FAM81B: variants seen among roughly 807,000 people sequenced by gnomAD.
FAM81B encodes family with sequence similarity 81 member B.
Under a neutral mutation model 58.7 loss-of-function variants are expected in FAM81B, and 60 were observed. The observed-to-expected ratio is 1.02, with a 90% confidence interval of 0.83 to 1.27. The LOEUF (loss-of-function observed/expected upper bound fraction) is 1.27, where lower values mean the gene tolerates loss of function less well. FAM81B is among the 50% of genes most tolerant of loss of function. The pLI, the probability that FAM81B is intolerant of heterozygous loss-of-function variation, is 0.00. For missense variants in FAM81B, 491 were observed against 522.0 expected (o/e 0.94, Z 0.58); for synonymous variants, 189 against 179.6 (o/e 1.05, Z -0.42).
chr5:95,444,990 T>C (rs1336364278), intron 7 of FAM81B, among the ~76,000 whole-genome samples: 1 of 152,096 alleles, frequency 6.6e-6, no homozygotes, highest in East Asian at 1.9e-4. Context: ...TCTCCAGATG[T>C]TATCAAACGT....
intron 4 of FAM81B, among the ~76,000 whole-genome samples, chr5:95,419,089 C>T (rs1216578089): frequency 6.6e-6 from 1 of 152,082 alleles, no homozygotes; most frequent in Non-Finnish European, 1.5e-5. Context: ...TCATCACTGT[C>T]TTTACCAAAA....
chr5:95,391,459 A>G lies in FAM81B; in HGVS notation c.70A>G (p.Lys24Glu). The change falls in exon 1 of 10, where the codon AAA (lysine) becomes GAA (glutamate). Residue 24 changes from lysine to glutamate, a missense_variant. Physicochemically the swap from Lys to Glu is moderately conservative, Grantham distance 56. Transcript: ENST00000283357. ...AAAAAAATCACAGAGATTGTTTTTC[A>G]AAAATATCAAATCTACAAAAAATAA... ...KRKKSQRLFF[K>E]NIKSTKNKAG... The G allele has an allele frequency of 6.2e-7, 1 of 1,613,858 alleles. No homozygotes were observed. The highest frequency in any genetic ancestry group is 8.5e-7 in the Non-Finnish European group (1 of 1,179,840).
intron 2 of FAM81B, 109 bp from the exon 3 acceptor site, chr5:95,396,002 T>A: frequency 2.4e-6 from 2 of 819,192 alleles, no homozygotes; most frequent in Non-Finnish European, 3.9e-6. Context: ...GATTATCTGG[T>A]CTATGGTATA....
chr5:95,439,236 GTATATATA>G lies in FAM81B; in HGVS notation c.893+2352_893+2359del, dbSNP rs577076287. 8.4e-4 allele frequency among the ~76,000 whole-genome samples: 88 copies of G among 105,194 alleles called. 1 individual carries two copies. The highest frequency in any genetic ancestry group is 0.014 in the Middle Eastern group (2 of 142). 69.0% of individuals were successfully genotyped at this position (105,194 alleles called of 152,430 possible). A position where few individuals can be genotyped will look rare whatever the true frequency, so the allele number is the denominator to read the frequency against. ...ATAGGCAAGCTTGCTAGGTTAAAGAGTATATATATATATATATATATATATATATGTAT... is the reference window on the plus strand; with the variant it reads ...ATAGGCAAGCTTGCTAGGTTAAAGAGTATATATATATATATATATATGTAT... On this transcript the variant is annotated intron_variant, in intron 7 of 9. Transcript: ENST00000283357.
intron 5 of FAM81B, among the ~76,000 whole-genome samples, chr5:95,425,275 T>C (rs1349655726): frequency 1.3e-5 from 2 of 151,910 alleles, no homozygotes; most frequent in East Asian, 3.8e-4. Context: ...GAAAAAATGA[T>C]ATAAGAACAA....
intron 7 of FAM81B, among the ~76,000 whole-genome samples, chr5:95,446,116 T>C (rs997247189): frequency 1.2e-4 from 19 of 152,218 alleles, no homozygotes; most frequent in African/African-American, 4.6e-4. Context: ...ACAGAGACTA[T>C]ATGGCCCACA....
chr5:95,400,485 C>T (rs150669701), intron 3 of FAM81B, among the ~76,000 whole-genome samples: 419 of 151,856 alleles, frequency 2.8e-3, no homozygotes, highest in African/African-American at 9.9e-3. Flanking sequence ...TCGACACCAG[C>T]CATGCTGGAT....
intron 3 of FAM81B, among the ~76,000 whole-genome samples, chr5:95,405,535 A>T (rs1485590684): frequency 6.6e-6 from 1 of 152,132 alleles, no homozygotes; most frequent in Non-Finnish European, 1.5e-5. Flanking sequence ...TAATATGTTT[A>T]ATAGCCTTTT....
intron 7 of FAM81B, among the ~76,000 whole-genome samples, chr5:95,443,790 C>T (rs544685871): frequency 2.0e-5 from 3 of 152,300 alleles, no homozygotes; most frequent in Non-Finnish European, 4.4e-5. Context: ...GAAAGCAAAT[C>T]TTGTAATAAA....
intron 3 of FAM81B, among the ~76,000 whole-genome samples, chr5:95,401,815 G>C (rs59235026): frequency 6.6e-6 from 1 of 152,160 alleles, no homozygotes; most frequent in Non-Finnish European, 1.5e-5. Context: ...GAAGTGAGAG[G>C]CTCCATGTAC....
chr5:95,446,325 G>A (rs1180007507), intron 7 of FAM81B, among the ~76,000 whole-genome samples: 1 of 152,110 alleles, frequency 6.6e-6, no homozygotes, highest in Non-Finnish European at 1.5e-5. Context: ...TCCTGTCACT[G>A]TGTGTTTGTA....
At chr5:95,439,161 T>C (rs1033631576) in intron 7 of FAM81B, among the ~76,000 whole-genome samples, 2 of 148,156 alleles carry the variant, frequency 1.3e-5, no homozygotes, top group African/African-American at 4.9e-5. Context: ...ACAAAAAAAG[T>C]ATTATGTGTA....
intron 3 of FAM81B, among the ~76,000 whole-genome samples, chr5:95,407,261 TACACACACAC>T (rs5869678): frequency 6.2e-4 from 89 of 143,760 alleles, no homozygotes; most frequent in Admixed American, 1.5e-3. Context: ...TGTTCTCTTT[TACACACACAC>T]ACACACACAC....
chr5:95,427,615 CAA>C (rs2152766788), intron 5 of FAM81B, among the ~76,000 whole-genome samples: 1 of 152,200 alleles, frequency 6.6e-6, no homozygotes, highest in Non-Finnish European at 1.5e-5. Context: ...ATAAAGCAAA[CAA>C]TATTTATATC....
rs191243587 is a variant in FAM81B, at chr5:95,434,621, C to G, written c.787-2179C>G. The stretch of plus-strand genomic sequence containing the variant: ...CAGACTGAGGGCATGGACATCTTTT[C>G]GAGCCCATTCTGCCTCCCACAATTT... On this transcript the variant is annotated intron_variant, in intron 6 of 9. Transcript: ENST00000283357. Among the ~76,000 whole-genome samples, 61 of 152,302 alleles carry G rather than the reference C, an allele frequency of 4.0e-4. 1 individual carries two copies. The East Asian group carries it at 0.011, about 27-fold the overall frequency.
At chr5:95,417,086 T>C (rs1016937610) in intron 4 of FAM81B, among the ~76,000 whole-genome samples, 2 of 152,188 alleles carry the variant, frequency 1.3e-5, no homozygotes, top group Non-Finnish European at 2.9e-5. Flanking sequence ...CATAAATATG[T>C]ATCTGCGTTT....
chr5:95,432,268 T>C (rs1744932650), intron 6 of FAM81B, among the ~76,000 whole-genome samples: 1 of 152,146 alleles, frequency 6.6e-6, no homozygotes, highest in African/African-American at 2.4e-5. Context: ...TATTTTGTTG[T>C]GGTGCAGGAT....
At chr5:95,398,835 C>T (rs530624755) in intron 3 of FAM81B, among the ~76,000 whole-genome samples, 9 of 152,104 alleles carry the variant, frequency 5.9e-5, no homozygotes, top group Admixed American at 4.6e-4. Context: ...AGCAAAGTTT[C>T]GAAGGCAGGA....
At chr5:95,418,432 T>C (rs1762591148) in intron 4 of FAM81B, among the ~76,000 whole-genome samples, 1 of 152,210 alleles carries the variant, frequency 6.6e-6, no homozygotes, top group African/African-American at 2.4e-5. Flanking sequence ...CTAAAATCTA[T>C]GGTAAGAACA....
Sources: gnomAD v4.1 joint callset for allele counts (sites outside exome capture counted in the v4.1 genomes callset) on GRCh38, gnomAD v4.1.1 for gene constraint, MANE v1.5 for transcripts, NCBI Gene and HGNC (gene_info 2026-07-23, HGNC 2026-07-21) for gene names.